Variants in RBM6 observed in about 807,000 individuals in gnomAD.
RBM6 encodes RNA-binding protein 6.
Under a neutral mutation model 140.4 loss-of-function variants are expected in RBM6, and 23 were observed. That is an observed-to-expected ratio of 0.16 (90% CI 0.12 to 0.23). RBM6 has a LOEUF of 0.23. Ranked by LOEUF, RBM6 falls within the 10% of genes least tolerant of loss-of-function variation. RBM6 has a pLI of 1.00. For missense variants in RBM6, 1,139 were observed against 1,386.7 expected, an observed-to-expected ratio of 0.82 and a Z score of 2.84; for synonymous variants, 439 against 475.6, an observed-to-expected ratio of 0.92 and a Z score of 1.00.
intron 6 of RBM6, among the ~76,000 whole-genome samples, chr3:50,035,273 A>ATTC (rs2088460803): frequency 6.6e-6 from 1 of 152,072 alleles, no homozygotes; most frequent in Admixed American, 6.6e-5. Context: ...GTACACTTGG[A>ATTC]AGAGGGCCAA....
At chr3:49,943,122 C>T (rs910340952) in intron 1 of RBM6, among the ~76,000 whole-genome samples, 27 of 152,092 alleles carry the variant, frequency 1.8e-4, no homozygotes, top group African/African-American at 6.3e-4. Flanking sequence ...GTGTACACTA[C>T]ATTTTGTTTA....
chr3:49,981,765 A>G (rs2085314374), intron 5 of RBM6: 1 of 152,154 alleles, frequency 6.6e-6, no homozygotes, highest in South Asian at 2.1e-4. Flanking sequence ...AGATCTTGGA[A>G]TGGTTGTAGA....
chr3:50,067,747 A>G (rs2090166776), intron 17 of RBM6, among the ~76,000 whole-genome samples: 1 of 152,222 alleles, frequency 6.6e-6, no homozygotes, highest in African/African-American at 2.4e-5. Flanking sequence ...TCTCAGAGCA[A>G]TTTGTTTCAC....
intron 1 of RBM6, among the ~76,000 whole-genome samples, chr3:49,960,471 T>C (rs2084232651): frequency 6.6e-6 from 1 of 152,216 alleles, no homozygotes; most frequent in Non-Finnish European, 1.5e-5. Flanking sequence ...TGATGACCTA[T>C]GGGCTGTCTT....
chr3:50,059,581 G>A, intron 10 of RBM6, 68 bp from the exon 11 acceptor site: 10 of 1,298,504 alleles, frequency 7.7e-6, no homozygotes, highest in Non-Finnish European at 9.8e-6. Context: ...CTCTTTCAAA[G>A]GAGAATTTTT....
chr3:50,052,471 C>T (rs2089508693), intron 7 of RBM6, among the ~76,000 whole-genome samples: 1 of 152,188 alleles, frequency 6.6e-6, no homozygotes, highest in Non-Finnish European at 1.5e-5. Flanking sequence ...ACTCAGTTGT[C>T]CCAGCACCAT....
At chr3:49,995,451 G>A (rs1301876629) in intron 5 of RBM6, among the ~76,000 whole-genome samples, 6 of 151,940 alleles carry the variant, frequency 3.9e-5, no homozygotes. Context: ...ACCTGAGGCA[G>A]GAGAATTGCT....
At chr3:50,004,318 C>G (rs1380258777) in intron 6 of RBM6, among the ~76,000 whole-genome samples, 1 of 148,004 alleles carries the variant, frequency 6.8e-6, no homozygotes, top group Non-Finnish European at 1.5e-5. Context: ...CCCCCCCTCC[C>G]CTCTCCTCTT....
chr3:50,015,718 C>T (rs1228044117), intron 6 of RBM6, among the ~76,000 whole-genome samples: 4 of 152,166 alleles, frequency 2.6e-5, no homozygotes, highest in African/African-American at 9.7e-5. Flanking sequence ...AGGCGTGAGC[C>T]ACCGCTCCCG....
chr3:50,000,428 T>C (rs1057328576), intron 6 of RBM6, among the ~76,000 whole-genome samples: 8 of 151,172 alleles, frequency 5.3e-5, no homozygotes, highest in Admixed American at 2.0e-4. Flanking sequence ...TTCTTTCTTT[T>C]TTTTTTTTTG....
chr3:50,026,080 T>A lies in RBM6; in HGVS notation c.1558-22165T>A, dbSNP rs2087798483. 2.6e-5 allele frequency among the ~76,000 whole-genome samples: 4 copies of A among 151,504 alleles called. No individual in the cohort carries two copies. The South Asian group carries it at 8.3e-4, about 31-fold the overall frequency. On this transcript the variant is annotated intron_variant, in intron 6 of 20. Coordinates refer to ENST00000266022, the MANE Select transcript of RBM6 (RefSeq NM_005777.3). ...GCTTGGATGACAGAGGGAGACTTTG[T>A]CTCTTTTTTTTTTTCTTTTTTTTTG...
chr3:50,077,114 G>A lies in RBM6; in HGVS notation c.3353G>A (p.Arg1118Gln). 5 of 1,611,616 alleles carry A rather than the reference G, an allele frequency of 3.1e-6. No individual in the cohort carries two copies. Among genetic ancestry groups the A allele is most frequent in the African/African-American group, 1.3e-5 (1 of 74,834 alleles). ...GCTGTTCGAAGAGTCATGTTTGCTC[G>A]ATATAAAGAACTCGATTAAGAAAGG... Reference protein sequence around the residue: ...RDAVRRVMFARYKELD With the variant: ...RDAVRRVMFAQYKELD The change falls in exon 21 of 21, where the codon CGA becomes CAA. Residue 1118 changes from arginine (R) to glutamine (Q), a missense_variant. Arg to Gln is a conservative substitution (Grantham distance 43). Coordinates refer to ENST00000266022, the MANE Select transcript of RBM6 (RefSeq NM_005777.3).
intron 6 of RBM6, among the ~76,000 whole-genome samples, 159 bp downstream of exon 6, chr3:49,999,672 G>T (rs1305421503): frequency 6.6e-6 from 1 of 152,060 alleles, no homozygotes; most frequent in Non-Finnish European, 1.5e-5. Context: ...CTTTAAAAAG[G>T]CTGGAAAGCT....
At chr3:49,955,578 C>T (rs186399356) in intron 1 of RBM6, among the ~76,000 whole-genome samples, 1 of 152,004 alleles carries the variant, frequency 6.6e-6, no homozygotes, top group Admixed American at 6.6e-5. Flanking sequence ...CGCAGTGGCT[C>T]ACGCCTGTAA....
At chr3:50,059,494 A>G (rs1250974834) in intron 10 of RBM6, 155 bp from the exon 11 acceptor site, 10 of 561,328 alleles carry the variant, frequency 1.8e-5, no homozygotes, top group Admixed American at 3.5e-5. Flanking sequence ...TTCTGCCAGT[A>G]TGCTCTTACT....
chr3:50,068,651 T>G (rs771748085), intron 17 of RBM6, 39 bp from the exon 18 acceptor site: 2 of 1,589,572 alleles, frequency 1.3e-6, no homozygotes, highest in African/African-American at 2.7e-5. Flanking sequence ...GGACCATTGT[T>G]TCTTAGACCT....
chr3:50,053,526 C>T (rs1199545873), intron 7 of RBM6, among the ~76,000 whole-genome samples: 5 of 150,834 alleles, frequency 3.3e-5, no homozygotes, highest in South Asian at 2.1e-4. Context: ...AGTGAAACTC[C>T]GTCTCAAAAG....
At chr3:50,024,893 A>G (rs1250890406) in intron 6 of RBM6, among the ~76,000 whole-genome samples, 1 of 151,984 alleles carries the variant, frequency 6.6e-6, no homozygotes, top group Admixed American at 6.6e-5. Context: ...TGAGATGCTG[A>G]AACAGGAGAG....
chr3:50,061,375 C>A, intron 13 of RBM6, 87 bp from the exon 14 acceptor site: 1 of 1,575,398 alleles, frequency 6.3e-7, no homozygotes, highest in South Asian at 1.2e-5. Context: ...TTGTGTTGGT[C>A]ACCCTAATTC....
Sources: allele counts gnomAD v4.1 joint callset (sites outside exome capture counted in the v4.1 genomes callset), GRCh38; gene constraint gnomAD v4.1.1; transcripts MANE v1.5; gene names NCBI Gene and HGNC (gene_info 2026-07-23, HGNC 2026-07-21).